CSF2RA: variants seen among roughly 807,000 people sequenced by gnomAD.
The protein encoded by CSF2RA is colony stimulating factor 2 receptor subunit alpha, also known as granulocyte-macrophage colony-stimulating factor receptor subunit alpha.
A neutral mutation model predicts 51.6 loss-of-function variants in CSF2RA; 42 were observed. The ratio of observed to expected loss-of-function variants is 0.81; its 90% CI spans 0.64 to 1.05. The LOEUF is 1.05. Ranked by LOEUF, CSF2RA falls within the 50% of genes least tolerant of loss-of-function variation. The pLI is 0.00. For missense variants in CSF2RA, 530 were observed against 501.1 expected, an observed-to-expected ratio of 1.06 and a Z score of -0.55; for synonymous variants, 222 against 193.0, an observed-to-expected ratio of 1.15 and a Z score of -1.24.
chrX:1,310,769 ATATAGTT>A (rs1177539504), downstream of CSF2RA, among the ~76,000 whole-genome samples: 11 of 151,928 alleles, frequency 7.2e-5, 1 homozygote, highest in East Asian at 2.1e-3. Flanking sequence ...CAAAGTGATG[ATATAGTT>A]TGGTTGTTTG....
intron 4 of CSF2RA, among the ~76,000 whole-genome samples, chrX:1,286,778 A>T (rs2090725577): frequency 6.6e-6 from 1 of 152,076 alleles, no homozygotes; most frequent in South Asian, 2.1e-4. Flanking sequence ...AGAGAAGAGA[A>T]ATCCTGGCAA....
At chrX:1,313,927 GTTGCAGTGAGCCCAGATCATGCGA>G (rs2084294512), downstream of CSF2RA, among the ~76,000 whole-genome samples, 1 of 152,118 alleles carries the variant, frequency 6.6e-6, no homozygotes, top group Admixed American at 6.6e-5. Context: ...GGAGGCAGAG[GTTGCAGTGAGCCCAGATCATGCGA>G]TTGCACTCCG....
intron 8 of CSF2RA, among the ~76,000 whole-genome samples, chrX:1,294,836 A>G (rs1188804956): frequency 1.5e-5 from 2 of 134,286 alleles, no homozygotes; most frequent in Admixed American, 7.5e-5. Context: ...ATAGGAGGAC[A>G]CCCGACCCCA....
chrX:1,282,937 C>T (rs1376074522), intron 3 of CSF2RA, among the ~76,000 whole-genome samples, 158 bp downstream of exon 3: 2 of 152,148 alleles, frequency 1.3e-5, no homozygotes, highest in African/African-American at 2.4e-5. Context: ...CTCAGAGCTC[C>T]TCTTGTTCTC....
chrX:1,319,717 T>C, the CSF2RA span, among the ~76,000 whole-genome samples: 2 of 145,086 alleles, frequency 1.4e-5, no homozygotes, highest in Non-Finnish European at 3.1e-5. Flanking sequence ...CTTTGCTGTT[T>C]TTTTTTTTTT....
intron 1 of CSF2RA, among the ~76,000 whole-genome samples, chrX:1,272,344 T>C (rs1433363866): frequency 4.1e-5 from 4 of 96,622 alleles, no homozygotes; most frequent in South Asian, 3.1e-4. Flanking sequence ...GTACACCACA[T>C]TGAGACTACA....
intron 7 of CSF2RA, among the ~76,000 whole-genome samples, chrX:1,291,654 A>C (rs2091409658): frequency 1.4e-5 from 2 of 143,978 alleles, no homozygotes; most frequent in East Asian, 2.1e-4. Flanking sequence ...GCCCATCCCC[A>C]CCTCCCACCC....
At chrX:1,319,943 C>T in the CSF2RA span, among the ~76,000 whole-genome samples, 4 of 148,614 alleles carry the variant, frequency 2.7e-5, 1 homozygote, top group East Asian at 2.0e-4. Context: ...TCCCCCAGGC[C>T]AGAGTGCAGT....
At chrX:1,320,729 T>C in the CSF2RA span, among the ~76,000 whole-genome samples, 2 of 149,808 alleles carry the variant, frequency 1.3e-5, no homozygotes, top group Non-Finnish European at 3.0e-5. Flanking sequence ...GCCAGGATGG[T>C]CTCGATCCCC....
intron 10 of CSF2RA, among the ~76,000 whole-genome samples, chrX:1,302,356 G>A (rs1278311957): frequency 1.3e-5 from 2 of 152,070 alleles, no homozygotes; most frequent in African/African-American, 4.8e-5. Flanking sequence ...CCTCAACAAA[G>A]GGTACAGAAG....
At chrX:1,322,619 C>T in the CSF2RA span, among the ~76,000 whole-genome samples, 9 of 151,548 alleles carry the variant, frequency 5.9e-5, no homozygotes, top group South Asian at 2.1e-4. Context: ...CGGCAGCTCT[C>T]GGAGGAGCCA....
chrX:1,281,089 CCTGCTCCCCTT>C (rs1453842570), intron 2 of CSF2RA, among the ~76,000 whole-genome samples: 15 of 79,670 alleles, frequency 1.9e-4, no homozygotes, highest in East Asian at 8.4e-4. Context: ...TCCTTCTCCT[CCTGCTCCCCTT>C]CTCCTCCTCC....
At position 1,290,338 on chromosome X, in the gene CSF2RA, A is replaced by G; in HGVS notation, c.475A>G (p.Arg159Gly). 6.2e-7 allele frequency: 1 copy of G among 1,612,582 alleles called. No homozygotes were observed. Among genetic ancestry groups the G allele is most frequent in the Non-Finnish European group, 8.5e-7 (1 of 1,178,990 alleles). The change falls in exon 7 of 13, where the codon AGA (arginine) becomes GGA (glycine). Residue 159 changes from arginine to glycine, a missense_variant and splice_region_variant. By Grantham distance (125) the Arg-to-Gly change is moderately radical. Transcript: ENST00000381529. ...QYFLYIRNSK[R>G]RREIRCPYYI... ...TCTGAGCACTTTCTAATCTTTCAGG[A>G]GAAGGAGGGAGATCCGGTGTCCTTA...
At chrX:1,317,186 G>A in the CSF2RA span, among the ~76,000 whole-genome samples, 1 of 147,602 alleles carries the variant, frequency 6.8e-6, no homozygotes, top group Non-Finnish European at 1.5e-5. Context: ...CTGACCTTAT[G>A]ATCTGCCTGC....
downstream of CSF2RA, among the ~76,000 whole-genome samples, chrX:1,314,250 A>T: frequency 3.7e-5 from 1 of 27,120 alleles, no homozygotes; most frequent in East Asian, 2.9e-3. Context: ...ACCCCACTGC[A>T]CCTGCCCAAC....
chrX:1,287,410 C>A (rs1298280097), intron 4 of CSF2RA, among the ~76,000 whole-genome samples: 3 of 148,970 alleles, frequency 2.0e-5, no homozygotes, highest in Non-Finnish European at 3.0e-5. Flanking sequence ...CCTTGGCCTC[C>A]CAAAGTGCTG....
At chrX:1,301,562 C>G (rs2082926559) in intron 10 of CSF2RA, among the ~76,000 whole-genome samples, 1 of 150,496 alleles carries the variant, frequency 6.6e-6, no homozygotes, top group African/African-American at 2.4e-5. Flanking sequence ...TTCCGGCTCC[C>G]TGGCCAAGGG....
At chrX:1,304,644 GTT>G (rs34201069) in intron 11 of CSF2RA, among the ~76,000 whole-genome samples, 2,688 of 117,166 alleles carry the variant, frequency 0.023, 48 homozygotes, top group Middle Eastern at 0.054. Flanking sequence ...TTGGAGGTGG[GTT>G]TTTTTTTGTT....
chrX:1,311,295 C>G (rs1460476141), downstream of CSF2RA, among the ~76,000 whole-genome samples: 2 of 151,802 alleles, frequency 1.3e-5, no homozygotes, highest in East Asian at 3.9e-4. Flanking sequence ...ACCTCCTTCC[C>G]TGCCTCTTGC....
Sources: gnomAD v4.1 joint callset for allele counts (sites outside exome capture counted in the v4.1 genomes callset) on GRCh38, gnomAD v4.1.1 for gene constraint, MANE v1.5 for transcripts, NCBI Gene and HGNC (gene_info 2026-07-23, HGNC 2026-07-21) for gene names.